RNASE4: variants seen among roughly 807,000 people sequenced by gnomAD.
The protein encoded by RNASE4 is ribonuclease A family member 4, also known as ribonuclease 4.
For missense variants in RNASE4, 194 were observed against 192.8 expected, an observed-to-expected ratio of 1.01 and a Z score of -0.04; for synonymous variants, 93 against 71.4, an observed-to-expected ratio of 1.30 and a Z score of -1.52.
intron 1 of RNASE4, chr14:20,694,048 G>A: frequency 6.2e-7 from 1 of 1,611,404 alleles, no homozygotes; most frequent in Non-Finnish European, 8.5e-7. Flanking sequence ...TGCTGTCCTT[G>A]CCTTCCATTT....
At chr14:20,686,916 G>T (rs1324565345) in intron 1 of RNASE4, among the ~76,000 whole-genome samples, 3 of 152,206 alleles carry the variant, frequency 2.0e-5, no homozygotes, top group Admixed American at 2.0e-4. Context: ...GGAGGAAAGT[G>T]CTCTAACACT....
Position 20,699,235 on chromosome 14 carries a change from G to C in RNASE4, c.-17-120G>C, listed in dbSNP as rs991727930. On this transcript the variant is annotated intron_variant, in intron 1 of 1. Coordinates refer to ENST00000555835, the MANE Select transcript of RNASE4 (RefSeq NM_002937.5). ...TAGCAGAGATGAGTGGGGAGATGGT[G>C]CATATAAGAAGGAGGAAAGAGGAGA... The C allele has an allele frequency of 3.9e-6, 3 of 761,618 alleles. No individual in the cohort carries two copies. In the African/African-American group the frequency reaches 5.2e-5, roughly 13 times the overall value. The allele number at this position is 761,618 out of a possible 1,614,324, so 47.2% of individuals were successfully genotyped here.
In RNASE4 at chr14:20,699,850, C is replaced by T. The variant is rs1322128837; in HGVS notation, c.*35C>T. 6.3e-7 allele frequency: 1 copy of T among 1,579,022 alleles called. No individual in the cohort carries two copies. Among genetic ancestry groups the T allele is most frequent in the African/African-American group, 1.3e-5 (1 of 74,278 alleles). ...TGTAGGGATTATCGCGAGTGGTTGA[C>T]CTTACACTTACTCCTTAAATAGCAG... On this transcript the variant is annotated 3_prime_UTR_variant, in exon 2 of 2. Transcript: ENST00000555835.
At chr14:20,697,808 C>T (rs2139035517) in intron 1 of RNASE4, among the ~76,000 whole-genome samples, 1 of 152,318 alleles carries the variant, frequency 6.6e-6, no homozygotes, top group East Asian at 1.9e-4. Flanking sequence ...ATTTGCGTTG[C>T]TCACTTCCTA....
In RNASE4 at chr14:20,699,599, A is replaced by G. The variant is rs146528738; in HGVS notation, c.228A>G (p.Glu76=). ...HCKRFNTFIH[E]DIWNIRSICS... ...AGCGCTTCAACACCTTCATCCATGA[A>G]GATATCTGGAACATTCGTAGTATCT... The change falls in exon 2 of 2, where the codon GAA becomes GAG. Residue 76 remains glutamate (E), a synonymous_variant. Coordinates refer to ENST00000555835, the MANE Select transcript of RNASE4 (RefSeq NM_002937.5). 1 of 1,614,152 alleles carries G rather than the reference A, an allele frequency of 6.2e-7. No individual in the cohort carries two copies. The highest frequency in any genetic ancestry group is 1.1e-5 in the South Asian group (1 of 91,088).
At chr14:20,694,118 T>C (rs990796061) in intron 1 of RNASE4, 12 of 1,184,142 alleles carry the variant, frequency 1.0e-5, no homozygotes, top group Non-Finnish European at 1.4e-5. Flanking sequence ...AAGAAAGAGC[T>C]ACCTGGACCT....
At position 20,699,674 on chromosome 14, in the gene RNASE4, G is replaced by A. The variant is rs117582758; in HGVS notation, c.303G>A (p.Glu101=). Residue 101 remains glutamate, a synonymous_variant, in exon 2 of 2, where the codon GAG becomes GAA. Coordinates refer to ENST00000555835, the MANE Select transcript of RNASE4 (RefSeq NM_002937.5). The part of the protein sequence containing the change: ...QCKNGKMNCH[E]GVVKVTDCRD... ...AGAACGGCAAGATGAACTGCCATGA[G>A]GGTGTAGTGAAGGTCACAGATTGCA... The A allele has an allele frequency of 5.8e-4, 932 of 1,610,936 alleles. 4 individuals are homozygous for A. Among genetic ancestry groups the A allele is most frequent in the Middle Eastern group, 3.6e-3 (22 of 6,062 alleles).
rs952744613 is a variant in RNASE4 at position 20,701,056 on chromosome 14, C to G, written c.*1241C>G. On this transcript the variant is annotated 3_prime_UTR_variant, in exon 2 of 2. Coordinates refer to ENST00000555835, the MANE Select transcript of RNASE4 (RefSeq NM_002937.5). ...CTCCCCACCAGAGCACCTTGTGACC[C>G]CCGCCCCTGCCCGCTAGAGAATAAC... The G allele has an allele frequency of 6.6e-6, 1 of 152,190 alleles. No individual in the cohort carries two copies. Among genetic ancestry groups the G allele is most frequent in the African/African-American group, 2.4e-5 (1 of 41,432 alleles). 9.4% of individuals were successfully genotyped at this position (152,190 alleles called of 1,614,324 possible). A position where few individuals can be genotyped will look rare whatever the true frequency, so the allele number is the denominator to read the frequency against.
chr14:20,693,894 T>G lies in RNASE4; in HGVS notation c.-17-5461T>G, dbSNP rs11701. 210,939 of 1,614,020 alleles carry G rather than the reference T, an allele frequency of 0.13. 14,674 individuals are homozygous for G. Among genetic ancestry groups the G allele is most frequent in the Middle Eastern group, 0.21 (1,243 of 6,062 alleles). ...TCACCACTTGCAAGCTACATGGAGG[T>G]TCCCCCTGGCCTCCATGCCAGTACC... On this transcript the variant is annotated intron_variant, in intron 1 of 1. Transcript: ENST00000555835.
chr14:20,699,794 G>A lies in RNASE4; in HGVS notation c.423G>A (p.Val141=). ...TTGCCTGTGAGGGTAACCCACAGGT[G>A]CCTGTGCACTTTGACGGTTAGATGC... is the stretch of plus-strand genomic sequence containing the variant. The part of the protein sequence containing the change: ...VVIACEGNPQ[V]PVHFDG The change falls in exon 2 of 2, where the codon GTG becomes GTA. Residue 141 remains valine, a synonymous_variant. Coordinates refer to ENST00000555835, the MANE Select transcript of RNASE4 (RefSeq NM_002937.5). The A allele has an allele frequency of 2.5e-6, 4 of 1,612,448 alleles. No individual in the cohort carries two copies. Among genetic ancestry groups the A allele is most frequent in the Non-Finnish European group, 2.5e-6 (3 of 1,179,788 alleles).
Position 20,685,497 on chromosome 14 carries a change from C to T in RNASE4, c.-18+739C>T, listed in dbSNP as rs190012637. ...CCAAGGGACATCATTATCTGTGGCA[C>T]AGGACCACCTTCCCAGAAGCAGCCT... is the stretch of plus-strand genomic sequence containing the variant. On this transcript the variant is annotated intron_variant, in intron 1 of 1. Transcript: ENST00000555835. Among the ~76,000 whole-genome samples the T allele has an allele frequency of 2.0e-5, 3 of 152,292 alleles. No homozygotes were observed. In the East Asian group the frequency reaches 5.8e-4, roughly 29 times the overall value.
chr14:20,684,911 G>A (rs1242028204), intron 1 of RNASE4, among the ~76,000 whole-genome samples, 153 bp downstream of exon 1: 2 of 152,292 alleles, frequency 1.3e-5, no homozygotes, highest in East Asian at 3.9e-4. Context: ...GGAGGGACGT[G>A]AAAGTCCCGT....
intron 1 of RNASE4, among the ~76,000 whole-genome samples, chr14:20,694,544 C>T (rs1887010126): frequency 1.3e-5 from 2 of 152,090 alleles, no homozygotes; most frequent in South Asian, 4.1e-4. Flanking sequence ...GGGAGATCCG[C>T]CCACCTTGGC....
intron 1 of RNASE4, chr14:20,688,784 A>G: frequency 1.0e-6 from 1 of 985,392 alleles, no homozygotes; most frequent in Non-Finnish European, 1.2e-6. Context: ...CCAGGTTCAC[A>G]CAACTGGAAC....
chr14:20,689,953 C>A, intron 1 of RNASE4, among the ~76,000 whole-genome samples: 1 of 148,450 alleles, frequency 6.7e-6, no homozygotes, highest in African/African-American at 2.5e-5. Context: ...CGGTGGCTCA[C>A]GCCTGTAATC....
At chr14:20,692,471 G>A (rs1886810888) in intron 1 of RNASE4, among the ~76,000 whole-genome samples, 1 of 152,212 alleles carries the variant, frequency 6.6e-6, no homozygotes, top group Non-Finnish European at 1.5e-5. Flanking sequence ...CCCAAATCCC[G>A]GTCTGTGGCC....
intron 1 of RNASE4, among the ~76,000 whole-genome samples, chr14:20,690,221 C>CAAAAAAAAAA (rs36091065): frequency 1.9e-3 from 132 of 67,974 alleles, no homozygotes; most frequent in Middle Eastern, 0.017. Context: ...GACTCCGTCT[C>CAAAAAAAAAA]AAAAAAAAAA....
chr14:20,688,174 G>C (rs116812055), intron 1 of RNASE4, among the ~76,000 whole-genome samples: 127 of 152,278 alleles, frequency 8.3e-4, no homozygotes, highest in African/African-American at 3.0e-3. Context: ...CAGGAAACAT[G>C]GCAAGCCTGC....
chr14:20,698,620 TA>T (rs920859486), intron 1 of RNASE4, among the ~76,000 whole-genome samples: 3 of 152,126 alleles, frequency 2.0e-5, no homozygotes, highest in African/African-American at 7.2e-5. Context: ...TGCTTTTTTT[TA>T]AAAAATAGAA....
Sources: gnomAD v4.1 joint callset for allele counts (sites outside exome capture counted in the v4.1 genomes callset) on GRCh38, gnomAD v4.1.1 for gene constraint, MANE v1.5 for transcripts, NCBI Gene and HGNC (gene_info 2026-07-23, HGNC 2026-07-21) for gene names.